The following SNAP91 variants were observed in gnomAD, a reference collection of about 807,000 sequenced individuals.
SNAP91 encodes clathrin coat assembly protein AP180.
A neutral mutation model predicts 100.3 loss-of-function variants in SNAP91; 27 were observed. The ratio of observed to expected loss-of-function variants is 0.27; its 90% confidence interval spans 0.20 to 0.37. The LOEUF (loss-of-function observed/expected upper bound fraction) is 0.37, where lower values mean the gene tolerates loss of function less well. Ranked by LOEUF, SNAP91 falls within the 10% of genes least tolerant of loss-of-function variation. The pLI is 1.00. For missense variants in SNAP91, 986 were observed against 1,123.7 expected (o/e 0.88, Z 1.75); for synonymous variants, 404 against 398.6 (o/e 1.01, Z -0.16).
At chr6:83,556,100 G>T in intron 29 of SNAP91, 43 bp downstream of exon 29, 1 of 1,081,934 alleles carries the variant, frequency 9.2e-7, no homozygotes. Flanking sequence ...GCATTGTATA[G>T]CTCATTATTA....
At chr6:83,611,069 T>C (rs188143308) in intron 11 of SNAP91, among the ~76,000 whole-genome samples, 175 of 152,192 alleles carry the variant, frequency 1.1e-3, no homozygotes, top group African/African-American at 4.0e-3. Context: ...GAAAAAACCA[T>C]GCTTTGCAGA....
intron 2 of SNAP91, among the ~76,000 whole-genome samples, chr6:83,700,319 CAA>C (rs956914057): frequency 1.2e-4 from 18 of 151,522 alleles, no homozygotes; most frequent in African/African-American, 4.4e-4. Context: ...AAGGAGGGGG[CAA>C]AAAGAAGCAT....
chr6:83,595,511 G>C (rs903839544), intron 16 of SNAP91, among the ~76,000 whole-genome samples: 6 of 152,124 alleles, frequency 3.9e-5, no homozygotes, highest in African/African-American at 1.4e-4. Flanking sequence ...AAGTCTTTGA[G>C]CTTGCATAGA....
chr6:83,594,375 A>T lies in SNAP91; in HGVS notation c.1431T>A (p.Asn477Lys). Residue 477 changes from asparagine (N) to lysine (K), a missense_variant and splice_region_variant, in exon 17 of 30, where the codon AAT becomes AAA. This residue lies in a region of SNAP91 where 575 missense variants were observed against 579.9 expected (regional missense o/e 0.99). Coordinates refer to ENST00000369694, the MANE Select transcript of SNAP91 (RefSeq NM_001242792.2). ...VAAALDACSG[N>K]DPFAPSEGSA... ...ACTGGCTAATGACTTTAAACCCACC[A>T]TTTCCTGAACATGCATCAAGTGCTG... 1 of 1,552,500 alleles carries T rather than the reference A, an allele frequency of 6.4e-7. No homozygotes were observed. The highest frequency in any genetic ancestry group is 8.7e-7 in the Non-Finnish European group (1 of 1,147,162).
intron 2 of SNAP91, among the ~76,000 whole-genome samples, chr6:83,702,456 T>C (rs1169003810): frequency 1.3e-5 from 2 of 152,194 alleles, no homozygotes; most frequent in Non-Finnish European, 2.9e-5. Context: ...CAGATTAAAT[T>C]ACAAATAAAT....
intron 8 of SNAP91, among the ~76,000 whole-genome samples, chr6:83,633,372 A>C (rs1379068171): frequency 6.6e-6 from 1 of 152,130 alleles, no homozygotes; most frequent in Non-Finnish European, 1.5e-5. Context: ...AGGAGGTGGC[A>C]CTTTCTAGAC....
At chr6:83,630,114 GATTTTT>G (rs2097146711) in intron 8 of SNAP91, among the ~76,000 whole-genome samples, 1 of 152,000 alleles carries the variant, frequency 6.6e-6, no homozygotes, top group Non-Finnish European at 1.5e-5. Flanking sequence ...ATGATCACGT[GATTTTT>G]ATTTTTAATT....
chr6:83,707,644 G>C (rs946980348), intron 2 of SNAP91, among the ~76,000 whole-genome samples, 154 bp downstream of exon 2: 2 of 151,786 alleles, frequency 1.3e-5, no homozygotes, highest in Non-Finnish European at 2.9e-5. Context: ...TAACCCAAGG[G>C]AACACCTTCA....
chr6:83,682,137 C>T (rs755278001), intron 2 of SNAP91, among the ~76,000 whole-genome samples: 2 of 149,884 alleles, frequency 1.3e-5, no homozygotes, highest in Admixed American at 1.3e-4. Flanking sequence ...CTGCAGCAGG[C>T]TTTCTTCTGT....
At chr6:83,586,805 C>T (rs1029614352) in intron 22 of SNAP91, among the ~76,000 whole-genome samples, 73 of 150,582 alleles carry the variant, frequency 4.8e-4, no homozygotes, top group Non-Finnish European at 9.2e-4. Context: ...CCCTCTGCTT[C>T]CCCCCACCCC....
At chr6:83,674,723 A>T (rs878914553) in intron 2 of SNAP91, among the ~76,000 whole-genome samples, 1 of 152,214 alleles carries the variant, frequency 6.6e-6, no homozygotes, top group Admixed American at 6.6e-5. Context: ...AGTTGGTTAC[A>T]GATATTTAAT....
intron 22 of SNAP91, among the ~76,000 whole-genome samples, chr6:83,583,568 C>G (rs1380448781): frequency 1.3e-5 from 2 of 152,142 alleles, no homozygotes; most frequent in Non-Finnish European, 2.9e-5. Context: ...CAAAAATATA[C>G]AGCCTCTGAA....
At chr6:83,658,962 T>G (rs761809772) in intron 6 of SNAP91, 37 bp downstream of exon 6, 2 of 1,450,344 alleles carry the variant, frequency 1.4e-6, no homozygotes, top group Admixed American at 3.9e-5. Flanking sequence ...AAGACAACAT[T>G]GATTGTGTAT....
chr6:83,593,323 C>G, intron 18 of SNAP91, 64 bp from the exon 19 acceptor site: 1 of 1,529,832 alleles, frequency 6.5e-7, no homozygotes, highest in Non-Finnish European at 8.9e-7. Context: ...AGCATCACTT[C>G]CCAGTCCTTA....
rs1316282203 is a variant in SNAP91, at chr6:83,560,154, G to T, written c.2581C>A (p.Gln861Lys). The T allele has an allele frequency of 6.2e-7, 1 of 1,613,952 alleles. No individual in the cohort carries two copies. Among genetic ancestry groups the T allele is most frequent in the East Asian group, 2.2e-5 (1 of 44,878 alleles). The change falls in exon 28 of 30, where the codon CAG becomes AAG. Residue 861 changes from glutamine (Q) to lysine (K), a missense_variant. This residue lies in a region of SNAP91 where 71 missense variants were observed against 68.5 expected (regional missense o/e 1.04). Coordinates refer to ENST00000369694, the MANE Select transcript of SNAP91 (RefSeq NM_001242792.2). ...MMPQQPVMFA[Q>K]PMMRPPFGAA... is the part of the protein sequence containing the mutation. The stretch of plus-strand genomic sequence containing the variant: ...CCAAAGGGGGGCCTCATCATGGGCT[G>T]TGCAAACATGACCGGCTGCTGAGGC...
chr6:83,669,889 C>T (rs2098752754), intron 2 of SNAP91, among the ~76,000 whole-genome samples: 1 of 151,882 alleles, frequency 6.6e-6, no homozygotes, highest in Non-Finnish European at 1.5e-5. Flanking sequence ...TTTATTCATT[C>T]ACCTGTTGAT....
intron 11 of SNAP91, chr6:83,611,385 T>C: frequency 2.2e-6 from 1 of 446,858 alleles, no homozygotes; most frequent in Non-Finnish European, 4.5e-6. Flanking sequence ...GCATTGACTA[T>C]TGCAGATCAC....
At chr6:83,697,348 AC>A (rs2099230347) in intron 2 of SNAP91, among the ~76,000 whole-genome samples, 4 of 151,758 alleles carry the variant, frequency 2.6e-5, no homozygotes, top group Admixed American at 2.6e-4. Context: ...ACACACACAC[AC>A]ACACACACAC....
At chr6:83,673,160 T>C (rs2098812098) in intron 2 of SNAP91, among the ~76,000 whole-genome samples, 1 of 151,756 alleles carries the variant, frequency 6.6e-6, no homozygotes, top group African/African-American at 2.4e-5. Flanking sequence ...AATTTACATC[T>C]CATTCCTTCC....
Sources: allele counts gnomAD v4.1 joint callset (sites outside exome capture counted in the v4.1 genomes callset), GRCh38; gene constraint gnomAD v4.1.1; regional missense constraint gnomAD v4.1.1; transcripts MANE v1.5; gene names NCBI Gene and HGNC (gene_info 2026-07-23, HGNC 2026-07-21).